NPSR1: variants seen among roughly 807,000 people sequenced by gnomAD.
NPSR1 encodes the protein neuropeptide S receptor 1, also known as neuropeptide S receptor.
NPSR1 carries 48 observed loss-of-function variants against 46.9 expected under a neutral mutation model. That is an observed-to-expected ratio of 1.02 (90% CI 0.81 to 1.30). NPSR1 has a LOEUF of 1.30. Ranked by LOEUF, NPSR1 falls within the 50% of genes most tolerant of loss-of-function variation. NPSR1 has a pLI of 0.00. For synonymous variants in NPSR1, 176 were observed against 168.1 expected (o/e 1.05, Z -0.36); for missense variants, 450 against 449.5 (o/e 1.00, Z -0.01).
At chr7:34,811,485 CA>C (rs1788984148) in intron 3 of NPSR1, among the ~76,000 whole-genome samples, 1 of 152,078 alleles carries the variant, frequency 6.6e-6, no homozygotes, top group Non-Finnish European at 1.5e-5. Context: ...TGTAGCTGGC[CA>C]AAAGGCAACT....
At chr7:34,748,875 T>TCC (rs34334715) in intron 2 of NPSR1, among the ~76,000 whole-genome samples, 16,830 of 151,950 alleles carry the variant, frequency 0.11, 1,112 homozygotes, top group Middle Eastern at 0.16. Context: ...GCATTCATCT[T>TCC]CCCCCCAGTA....
intron 2 of NPSR1, among the ~76,000 whole-genome samples, chr7:34,763,304 A>C (rs1456740690): frequency 6.6e-6 from 1 of 152,156 alleles, no homozygotes; most frequent in Non-Finnish European, 1.5e-5. Context: ...TCATTGAACG[A>C]GATGATTAAT....
At chr7:34,778,750 A>G (rs1430388989) in intron 3 of NPSR1, among the ~76,000 whole-genome samples, 185 bp downstream of exon 3, 2 of 152,234 alleles carry the variant, frequency 1.3e-5, no homozygotes, top group Admixed American at 6.5e-5. Context: ...GTATCTATAT[A>G]AAGAAAACAC....
intron 4 of NPSR1, among the ~76,000 whole-genome samples, chr7:34,822,362 A>T (rs2128754054): frequency 6.6e-6 from 1 of 152,062 alleles, no homozygotes; most frequent in Middle Eastern, 3.4e-3. Flanking sequence ...ACCAGGAGGG[A>T]GTCAAATGTA....
intron 2 of NPSR1, among the ~76,000 whole-genome samples, chr7:34,775,160 T>C (rs1390198205): frequency 2.0e-5 from 3 of 152,200 alleles, no homozygotes; most frequent in Admixed American, 6.5e-5. Context: ...TGTAAATGGA[T>C]CAATGTGATA....
intron 1 of NPSR1, among the ~76,000 whole-genome samples, chr7:34,675,402 G>C (rs1438369663): frequency 1.3e-5 from 2 of 152,180 alleles, no homozygotes; most frequent in Non-Finnish European, 2.9e-5. Context: ...CCTTGGATCT[G>C]GATAAATCCA....
chr7:34,855,879 G>A (rs568525668), intron 8 of NPSR1, among the ~76,000 whole-genome samples: 6 of 152,166 alleles, frequency 3.9e-5, no homozygotes, highest in South Asian at 2.1e-4. Context: ...CACTCAACTC[G>A]TTACATTAAT....
chr7:34,804,196 T>C (rs1788574266), intron 3 of NPSR1, among the ~76,000 whole-genome samples: 1 of 151,974 alleles, frequency 6.6e-6, no homozygotes, highest in South Asian at 2.1e-4. Context: ...CTAAAACCAA[T>C]GATATTAAAA....
chr7:34,815,103 G>T (rs562828004), intron 4 of NPSR1, among the ~76,000 whole-genome samples: 1 of 152,196 alleles, frequency 6.6e-6, no homozygotes, highest in South Asian at 2.1e-4. Context: ...CAGAAGGTCG[G>T]TAATAACAAA....
chr7:34,761,281 C>T (rs1020349090), intron 2 of NPSR1: 9 of 152,230 alleles, frequency 5.9e-5, no homozygotes, highest in African/African-American at 2.2e-4. Context: ...CTCAGGAATC[C>T]TTTAGGATTT....
At chr7:34,714,110 C>G (rs1267220705) in intron 2 of NPSR1, among the ~76,000 whole-genome samples, 1 of 152,234 alleles carries the variant, frequency 6.6e-6, no homozygotes, top group Non-Finnish European at 1.5e-5. Flanking sequence ...TGCCAGCTGT[C>G]CGCTGGAAGT....
intron 3 of NPSR1, among the ~76,000 whole-genome samples, chr7:34,799,636 G>C (rs1788375757): frequency 6.7e-6 from 1 of 149,122 alleles, no homozygotes; most frequent in South Asian, 2.2e-4. Flanking sequence ...AGACCATCGA[G>C]AGTAGGAAGA....
downstream of NPSR1, among the ~76,000 whole-genome samples, chr7:34,854,053 C>T (rs1470547644): frequency 6.6e-6 from 1 of 151,980 alleles, no homozygotes; most frequent in Non-Finnish European, 1.5e-5. Flanking sequence ...TAGTTAGTTT[C>T]AAGTTCCTTG....
At chr7:34,761,749 T>G (rs1267952894) in intron 2 of NPSR1, among the ~76,000 whole-genome samples, 1 of 152,148 alleles carries the variant, frequency 6.6e-6, no homozygotes, top group Non-Finnish European at 1.5e-5. Flanking sequence ...ATAGCATCCT[T>G]TAAAAGAGAA....
chr7:34,833,970 G>A (rs1265687070), intron 5 of NPSR1, among the ~76,000 whole-genome samples: 1 of 152,128 alleles, frequency 6.6e-6, no homozygotes, highest in Admixed American at 6.5e-5. Context: ...AAGGGGTGAG[G>A]ATCAACAAAG....
intron 1 of NPSR1, among the ~76,000 whole-genome samples, chr7:34,674,181 G>A (rs1449376130): frequency 1.3e-5 from 2 of 152,166 alleles, no homozygotes; most frequent in African/African-American, 4.8e-5. Context: ...AGCAGGTAGG[G>A]TGAGATGTGG....
rs1480417566 is a variant in NPSR1 at position 34,790,775 on chromosome 7, TGTTATATGTTATATATATGTTATAG to T, written c.384+12227_384+12251del. On this transcript the variant is annotated intron_variant, in intron 3 of 8. Transcript: ENST00000360581. ...TATGTTATATGTTATATATAATATA[TGTTATATGTTATATATATGTTATAG>T]GTTATATGTTATATATGTTATAGGT... is the stretch of plus-strand genomic sequence containing the variant. Among the ~76,000 whole-genome samples the T allele has an allele frequency of 4.0e-5, 5 of 125,698 alleles. 1 individual carries two copies. Among genetic ancestry groups the T allele is most frequent in the Non-Finnish European group, 8.5e-5 (5 of 58,928 alleles). 82.5% of individuals were successfully genotyped at this position (125,698 alleles called of 152,430 possible). A position where few individuals can be genotyped will look rare whatever the true frequency, so the allele number is the denominator to read the frequency against.
intron 4 of NPSR1, among the ~76,000 whole-genome samples, chr7:34,819,888 A>C (rs1789467146): frequency 1.3e-5 from 2 of 152,170 alleles, no homozygotes; most frequent in African/African-American, 4.8e-5. Flanking sequence ...ACTTGGACGC[A>C]GGGTGGGGAA....
chr7:34,852,263 G>A (rs1229350546), downstream of NPSR1, among the ~76,000 whole-genome samples: 1 of 152,116 alleles, frequency 6.6e-6, no homozygotes, highest in African/African-American at 2.4e-5. Flanking sequence ...TCACGTCACT[G>A]CACTGCGGCC....
Sources: gnomAD v4.1 joint callset for allele counts (sites outside exome capture counted in the v4.1 genomes callset) on GRCh38, gnomAD v4.1.1 for gene constraint, MANE v1.5 for transcripts, NCBI Gene and HGNC (gene_info 2026-07-23, HGNC 2026-07-21) for gene names.